Variants in QRICH2 observed in about 807,000 individuals in gnomAD.
QRICH2 encodes glutamine-rich protein 2.
A neutral mutation model predicts 168.3 loss-of-function variants in QRICH2; 119 were observed. The observed-to-expected ratio is 0.71, with a 90% CI of 0.61 to 0.82. QRICH2 has a LOEUF of 0.82. QRICH2 is among the 40% of genes least tolerant of loss of function. QRICH2 has a pLI of 0.00. For missense variants in QRICH2, 2,241 were observed against 2,491.6 expected (o/e 0.90, Z 2.14); for synonymous variants, 894 against 951.2 (o/e 0.94, Z 1.11).
At chr17:76,290,908 C>T in intron 4 of QRICH2, 107 bp downstream of exon 4, 1 of 1,503,128 alleles carries the variant, frequency 6.7e-7, no homozygotes, top group South Asian at 1.3e-5. Context: ...TTTTCAGGGA[C>T]TCAGGGAGAT....
At position 76,293,211 on chromosome 17, in the gene QRICH2, C is replaced by T; in HGVS notation, c.1516G>A (p.Val506Ile). Residue 506 changes from valine to isoleucine, a missense_variant, in exon 4 of 19, where the codon GTA (valine) becomes ATA (isoleucine). By Grantham distance (29) the Val-to-Ile change is conservative. Transcript: ENST00000680821. ...VISGMGQQGL[V>I]PPGIDQQGLT... ...CCTTGCTGGTCTATACCAGGGGGTA[C>T]TAGTCCTTGCTGACCCATGCCTGAT... is the stretch of plus-strand genomic sequence containing the variant. The T allele has an allele frequency of 6.2e-7, 1 of 1,614,134 alleles. No individual in the cohort carries two copies. Among genetic ancestry groups the T allele is most frequent in the Non-Finnish European group, 8.5e-7 (1 of 1,180,042 alleles).
intron 1 of QRICH2, 50 bp from the exon 2 acceptor site, chr17:76,304,991 A>G (rs748942253): frequency 4.8e-6 from 6 of 1,244,464 alleles, no homozygotes; most frequent in Non-Finnish European, 7.1e-6. Flanking sequence ...CTACACACGC[A>G]CACTCACATG....
Position 76,280,607 on chromosome 17 carries a change from C to A in QRICH2, c.4461+47G>T. ...ACTCAGTCTCTCAAAGAACAGTCAG[C>A]GAGACCGCCCTGGGACACAGCGTGG... On this transcript the variant is annotated intron_variant, in intron 10 of 18. Transcript: ENST00000680821. The surrounding 1 kb of genome is among the most constrained non-coding windows in gnomAD (Gnocchi z 7.4). The A allele has an allele frequency of 6.2e-7, 1 of 1,609,050 alleles. No homozygotes were observed. Among genetic ancestry groups the A allele is most frequent in the Non-Finnish European group, 8.5e-7 (1 of 1,175,712 alleles).
intron 15 of QRICH2, among the ~76,000 whole-genome samples, chr17:76,277,605 CAT>C (rs2070707641): frequency 6.6e-6 from 1 of 151,972 alleles, no homozygotes; most frequent in Non-Finnish European, 1.5e-5. Flanking sequence ...TACTTATGCA[CAT>C]ACACACGAAG....
At chr17:76,282,810 C>T (rs1014530694) in intron 7 of QRICH2, among the ~76,000 whole-genome samples, 1 of 152,120 alleles carries the variant, frequency 6.6e-6, no homozygotes, top group East Asian at 1.9e-4. Flanking sequence ...TTGCTTGGCT[C>T]AAAAAGAGAG....
At chr17:76,285,984 A>G (rs200452893) in intron 7 of QRICH2, among the ~76,000 whole-genome samples, 1 of 152,096 alleles carries the variant, frequency 6.6e-6, no homozygotes, top group African/African-American at 2.4e-5. Flanking sequence ...CATCCTGGCT[A>G]ACACAGTGAA....
Position 76,274,172 on chromosome 17 carries a change from C to A in QRICH2, c.5571G>T (p.Val1857=). 6.3e-7 allele frequency: 1 copy of A among 1,584,210 alleles called. No individual in the cohort carries two copies. Among genetic ancestry groups the A allele is most frequent in the African/African-American group, 1.4e-5 (1 of 72,724 alleles). ...NTAHPPSSAA[V]ANRGLERHVD... is the part of the protein sequence containing the mutation. ...CGTGCCTCTCCAGCCCCCTGTTTGC[C>A]ACCGCGGCGGAGCTGGGCGGGTGGG... Residue 1857 remains valine, a synonymous_variant, in exon 19 of 19, where the codon GTG becomes GTT. Coordinates refer to ENST00000680821, the MANE Select transcript of QRICH2 (RefSeq NM_001388453.1).
Position 76,297,870 on chromosome 17 carries a change from G to GTT in QRICH2, c.706-3851_706-3850dup, listed in dbSNP as rs1169251679. Among the ~76,000 whole-genome samples the GTT allele has an allele frequency of 2.1e-3, 168 of 79,488 alleles. 9 individuals are homozygous for GTT. Among genetic ancestry groups the GTT allele is most frequent in the Non-Finnish European group, 3.0e-3 (128 of 43,086 alleles). 52.1% of individuals were successfully genotyped at this position (79,488 alleles called of 152,430 possible). A position where few individuals can be genotyped will look rare whatever the true frequency, so the allele number is the denominator to read the frequency against. ...AGTAGCTAGGACTACTTAGGAATCT[G>GTT]TTTTTTTTTTTTTTTTTTTTTTTTT... is the stretch of plus-strand genomic sequence containing the variant. On this transcript the variant is annotated intron_variant, in intron 3 of 18. Coordinates refer to ENST00000680821, the MANE Select transcript of QRICH2 (RefSeq NM_001388453.1).
rs764415283 is a variant in QRICH2, at chr17:76,293,103, G to A, written c.1624C>T (p.Pro542Ser). ...AAACCTTGCTGATCTGCACTAATTGGCATCAAACCAGGTGATACCAAACCA... is the reference window on the plus strand; with the variant it reads ...AAACCTTGCTGATCTGCACTAATTGACATCAAACCAGGTGATACCAAACCA... ...QHGLVSPGLM[P>S]ISADQQGFVQ... Residue 542 changes from proline (P) to serine (S), a missense_variant, in exon 4 of 19, where the codon CCA becomes TCA. Pro to Ser is a moderately conservative substitution (Grantham distance 74). Around this residue, in one of 3 missense-constraint regions of QRICH2, gnomAD observed 2,047 missense variants for 2,303.8 expected, o/e 0.89. Transcript: ENST00000680821. The A allele has an allele frequency of 1.1e-5, 17 of 1,614,224 alleles. No individual in the cohort carries two copies. The South Asian group carries it at 1.9e-4, about 18-fold the overall frequency.
At position 76,304,510 on chromosome 17, in the gene QRICH2, T is replaced by G; in HGVS notation, c.610A>C (p.Lys204Gln). Residue 204 changes from lysine (K) to glutamine (Q), a missense_variant, in exon 3 of 19, where the codon AAG becomes CAG. This residue lies in a region of QRICH2 where 2,047 missense variants were observed against 2,303.8 expected (regional missense o/e 0.89). Transcript: ENST00000680821. ...TCTGCACCAGGAACCAAACTCAGCT[T>G]CCGGCTGACTAGTTCCTGACAGTGA... is the stretch of plus-strand genomic sequence containing the variant. ...REQFLELVSR[K>Q]LSLVPGAEEV... 1.9e-6 allele frequency: 3 copies of G among 1,612,458 alleles called. No individual in the cohort carries two copies. Among genetic ancestry groups the G allele is most frequent in the Non-Finnish European group, 2.5e-6 (3 of 1,178,978 alleles).
chr17:76,281,991 C>T lies in QRICH2; in HGVS notation c.4136G>A (p.Cys1379Tyr), dbSNP rs776628594. Reference sequence around the variant, plus strand: ...GCTCACATCCAGGCTGCAGGCTGGACAGGTGGCCTCAGGGTCGATCTGGCC... The same window carrying T: ...GCTCACATCCAGGCTGCAGGCTGGATAGGTGGCCTCAGGGTCGATCTGGCC... ...APGQIDPEAT[C>Y]PACSLDVSHQ... The change falls in exon 8 of 19, where the codon TGT becomes TAT. Residue 1379 changes from cysteine (C) to tyrosine (Y), a missense_variant. Physicochemically the swap from Cys to Tyr is radical, Grantham distance 194. Around this residue, in one of 3 missense-constraint regions of QRICH2, gnomAD observed 2,047 missense variants for 2,303.8 expected, o/e 0.89. Transcript: ENST00000680821. This position sits in a 1 kb window ranked among gnomAD's most constrained non-coding sequence, Gnocchi z 4.4. The T allele has an allele frequency of 3.8e-5, 61 of 1,613,392 alleles. No individual in the cohort carries two copies. Among genetic ancestry groups the T allele is most frequent in the Non-Finnish European group, 5.1e-6 (6 of 1,179,830 alleles).
chr17:76,287,201 C>A lies in QRICH2; in HGVS notation c.4002G>T (p.Leu1334=). ...AGTGGGGAATCCTCACCTGGTCCTG[C>A]AGGTAAAGGGAGGCTTCAGAGACAG... is the stretch of plus-strand genomic sequence containing the variant. The part of the protein sequence containing the change: ...ENSVSEASLY[L]QDQLDKLRMI... Residue 1334 remains leucine (L), a synonymous_variant, in exon 7 of 19, where the codon CTG becomes CTT. Coordinates refer to ENST00000680821, the MANE Select transcript of QRICH2 (RefSeq NM_001388453.1). 2 of 1,611,924 alleles carry A rather than the reference C, an allele frequency of 1.2e-6. No homozygotes were observed. Among genetic ancestry groups the A allele is most frequent in the Admixed American group, 1.7e-5 (1 of 59,994 alleles).
At chr17:76,274,315 T>C in intron 18 of QRICH2, 55 bp from the exon 19 acceptor site, 1 of 1,537,674 alleles carries the variant, frequency 6.5e-7, no homozygotes, top group South Asian at 1.2e-5. Context: ...CCACCAGGGG[T>C]CACCCCAGCC....
chr17:76,292,098 C>T lies in QRICH2; in HGVS notation c.2629G>A (p.Asp877Asn). Residue 877 changes from aspartate to asparagine, a missense_variant, in exon 4 of 19, where the codon GAT becomes AAT. Around this residue, in one of 3 missense-constraint regions of QRICH2, gnomAD observed 2,047 missense variants for 2,303.8 expected, o/e 0.89. Coordinates refer to ENST00000680821, the MANE Select transcript of QRICH2 (RefSeq NM_001388453.1). Reference sequence around the variant, plus strand: ...CCAGGTTGGACCAAACCACGCTGATCCACTCCAGGTTGCACCAAACCACGC... The same window carrying T: ...CCAGGTTGGACCAAACCACGCTGATTCACTCCAGGTTGCACCAAACCACGC... ...DQRGLVQPGVDQRGLVQPGMD... is the reference protein window; with the variant it reads ...DQRGLVQPGVNQRGLVQPGMD... 6.2e-7 allele frequency: 1 copy of T among 1,613,110 alleles called. No individual in the cohort carries two copies. The highest frequency in any genetic ancestry group is 1.1e-5 in the South Asian group (1 of 91,064).
At chr17:76,302,815 C>T (rs906715440) in intron 3 of QRICH2, among the ~76,000 whole-genome samples, 5 of 151,982 alleles carry the variant, frequency 3.3e-5, no homozygotes, top group African/African-American at 1.2e-4. Context: ...CCACAAGAAG[C>T]GCATACTGTC....
intron 4 of QRICH2, 48 bp downstream of exon 4, chr17:76,290,967 C>G (rs373357459): frequency 1.3e-5 from 21 of 1,582,546 alleles, no homozygotes; most frequent in Non-Finnish European, 1.5e-5. Flanking sequence ...ATGAAACCAA[C>G]TGAAAACAGA....
intron 15 of QRICH2, among the ~76,000 whole-genome samples, chr17:76,277,566 TCA>T (rs145735349): frequency 1.3e-5 from 2 of 150,218 alleles, no homozygotes; most frequent in Non-Finnish European, 3.0e-5. Flanking sequence ...ATACACACAG[TCA>T]CACACACACA....
Position 76,308,206 on chromosome 17 carries a change from G to A in QRICH2, c.-208C>T. On this transcript the variant is annotated 5_prime_UTR_variant, in exon 1 of 19. Transcript: ENST00000680821. Reference sequence around the variant, plus strand: ...CGGGGTCCGCGATGGCCACCCCTCCGCTGTCTGTCGCTGGCCTCGGGTCCC... The same window carrying A: ...CGGGGTCCGCGATGGCCACCCCTCCACTGTCTGTCGCTGGCCTCGGGTCCC... 2 of 985,426 alleles carry A rather than the reference G, an allele frequency of 2.0e-6. No homozygotes were observed. Among genetic ancestry groups the A allele is most frequent in the East Asian group, 1.1e-4 (1 of 8,812 alleles). 61.0% of individuals were successfully genotyped at this position (985,426 alleles called of 1,614,324 possible). A position where few individuals can be genotyped will look rare whatever the true frequency, so the allele number is the denominator to read the frequency against.
In QRICH2 at chr17:76,304,451, C is replaced by T. The variant is rs777300559; in HGVS notation, c.669G>A (p.Glu223=). ...EVTMVTWEEL[E]QAITDGWRAS... Reference sequence around the variant, plus strand: ...CTCTCCAGCCGTCCGTAATCGCCTGCTCCAGCTCTTCCCAGGTGACCATGG... The same window carrying T: ...CTCTCCAGCCGTCCGTAATCGCCTGTTCCAGCTCTTCCCAGGTGACCATGG... The change falls in exon 3 of 19, where the codon GAG becomes GAA. Residue 223 remains glutamate (E), a synonymous_variant. Transcript: ENST00000680821. 1.1e-5 allele frequency: 18 copies of T among 1,613,658 alleles called. No individual in the cohort carries two copies. The highest frequency in any genetic ancestry group is 1.5e-5 in the Non-Finnish European group (18 of 1,180,002).
Sources: gnomAD v4.1 joint callset for allele counts (sites outside exome capture counted in the v4.1 genomes callset) on GRCh38, gnomAD v4.1.1 for gene constraint, gnomAD v4.1.1 regional missense constraint, Gnocchi (gnomAD v3.1) non-coding constraint, MANE v1.5 for transcripts, NCBI Gene and HGNC (gene_info 2026-07-23, HGNC 2026-07-21) for gene names.